Variants in TUBGCP3 observed in about 807,000 individuals in gnomAD.
The protein encoded by TUBGCP3 is gamma-tubulin complex component 3.
TUBGCP3 carries 50 observed loss-of-function variants against 123.1 expected under a neutral mutation model. The ratio of observed to expected loss-of-function variants is 0.41; its 90% CI spans 0.32 to 0.51. The LOEUF (loss-of-function observed/expected upper bound fraction) is 0.51. Among genes scored for constraint, TUBGCP3 ranks in the 20% least tolerant of loss-of-function variants. The pLI is 0.36. For synonymous variants in TUBGCP3, 405 were observed against 413.9 expected, an observed-to-expected ratio of 0.98 and a Z score of 0.26; for missense variants, 882 against 1,127.0, an observed-to-expected ratio of 0.78 and a Z score of 3.11.
intron 16 of TUBGCP3, among the ~76,000 whole-genome samples, chr13:112,518,504 G>T (rs1876347760): frequency 6.6e-6 from 1 of 152,202 alleles, no homozygotes; most frequent in Admixed American, 6.5e-5. Context: ...TTCCTGGTCA[G>T]CCTTTTATAA....
intron 11 of TUBGCP3, among the ~76,000 whole-genome samples, chr13:112,537,484 G>A (rs1878159359): frequency 6.6e-6 from 1 of 152,038 alleles, no homozygotes; most frequent in Non-Finnish European, 1.5e-5. Flanking sequence ...TTGCATTCTT[G>A]GGATTAATTC....
chr13:112,502,542 C>CT (rs10710530), intron 19 of TUBGCP3, among the ~76,000 whole-genome samples: 16,169 of 114,318 alleles, frequency 0.14, 1,399 homozygotes, highest in African/African-American at 0.22. Flanking sequence ...TACATTTCTT[C>CT]TTTTTTTTTT....
intron 9 of TUBGCP3, 79 bp from the exon 10 acceptor site, chr13:112,547,831 A>G: frequency 7.4e-7 from 1 of 1,344,144 alleles, no homozygotes; most frequent in Non-Finnish European, 9.7e-7. Context: ...TCAAGTGAAC[A>G]TAAGAAAATG....
chr13:112,485,884 G>C lies in TUBGCP3; in HGVS notation c.*109C>G. 1 of 908,038 alleles carries C rather than the reference G, an allele frequency of 1.1e-6. No homozygotes were observed. The allele number at this position is 908,038 out of a possible 1,614,324, so 56.2% of individuals were successfully genotyped here. ...GCTGAAACATGGCGCACTCGTGGGC[G>C]GAAGGGCAGGACACCTGCAGCATGC... On this transcript the variant is annotated 3_prime_UTR_variant, in exon 22 of 22. Transcript: ENST00000261965.
chr13:112,533,043 G>T (rs1174720748), intron 11 of TUBGCP3, among the ~76,000 whole-genome samples: 1 of 152,218 alleles, frequency 6.6e-6, no homozygotes, highest in Non-Finnish European at 1.5e-5. Flanking sequence ...GCTGGGCAGA[G>T]AGGCAGTGCA....
intron 17 of TUBGCP3, among the ~76,000 whole-genome samples, chr13:112,505,080 T>C (rs1881201740): frequency 6.6e-6 from 1 of 152,190 alleles, no homozygotes; most frequent in Non-Finnish European, 1.5e-5. Flanking sequence ...CTGCTGTGCA[T>C]GAAACATTTA....
chr13:112,569,809 G>A (rs558155201), intron 1 of TUBGCP3, among the ~76,000 whole-genome samples: 30 of 152,182 alleles, frequency 2.0e-4, no homozygotes, highest in Admixed American at 1.3e-3. Flanking sequence ...AAACAAGGCA[G>A]AAAGGAATCA....
At chr13:112,486,266 G>T in intron 21 of TUBGCP3, 115 bp from the exon 22 acceptor site, 1 of 1,313,628 alleles carries the variant, frequency 7.6e-7, no homozygotes, top group Non-Finnish European at 1.0e-6. Context: ...AGATCAACAG[G>T]CCCTTAGTAA....
At chr13:112,491,155 T>C (rs1444979777) in intron 20 of TUBGCP3, among the ~76,000 whole-genome samples, 1 of 152,222 alleles carries the variant, frequency 6.6e-6, no homozygotes. Flanking sequence ...TGATTTTCGC[T>C]CTCATCTTTA....
chr13:112,509,674 CAT>C (rs1881539360), intron 17 of TUBGCP3, among the ~76,000 whole-genome samples: 1 of 152,200 alleles, frequency 6.6e-6, no homozygotes, highest in Non-Finnish European at 1.5e-5. Flanking sequence ...CAGTGAGAGA[CAT>C]ATGGTTGCTG....
In TUBGCP3 at chr13:112,519,875, A is replaced by G. The variant is rs762275203; in HGVS notation, c.1881+11T>C. 11 of 1,611,108 alleles carry G rather than the reference A, an allele frequency of 6.8e-6. No homozygotes were observed. In the East Asian group the frequency reaches 2.0e-4, roughly 29 times the overall value. ...CCGGGGCGGCGTTCCCAACACGCAG[A>G]GCCGCAGTACCTCCAGCAGCCGCAC... On this transcript the variant is annotated intron_variant, in intron 15 of 21. Coordinates refer to ENST00000261965, the MANE Select transcript of TUBGCP3 (RefSeq NM_006322.6). This position sits in a 1 kb window ranked among gnomAD's most constrained non-coding sequence, Gnocchi z 6.2.
At position 112,519,828 on chromosome 13, in the gene TUBGCP3, C is replaced by T. The variant is rs1278143619; in HGVS notation, c.1881+58G>A. On this transcript the variant is annotated intron_variant, in intron 15 of 21. Coordinates refer to ENST00000261965, the MANE Select transcript of TUBGCP3 (RefSeq NM_006322.6). This position sits in a 1 kb window ranked among gnomAD's most constrained non-coding sequence, Gnocchi z 6.2. The stretch of plus-strand genomic sequence containing the variant: ...CATGGAAAACACTCGCTAGAACACC[C>T]CGGCCCAGTGGGTCCTCGGTGCCGG... The T allele has an allele frequency of 6.3e-7, 1 of 1,582,822 alleles. No individual in the cohort carries two copies.
At chr13:112,556,017 A>G (rs1352511071) in intron 6 of TUBGCP3, 35 bp downstream of exon 6, 4 of 1,575,542 alleles carry the variant, frequency 2.5e-6, no homozygotes, top group Admixed American at 1.7e-5. Context: ...CCAAGTGTTC[A>G]CAGAAAAGCT....
chr13:112,501,080 A>G (rs771691636), intron 19 of TUBGCP3, among the ~76,000 whole-genome samples: 7 of 152,226 alleles, frequency 4.6e-5, no homozygotes, highest in Non-Finnish European at 8.8e-5. Flanking sequence ...CATGGCAACA[A>G]AAACAATGTG....
At position 112,519,974 on chromosome 13, in the gene TUBGCP3, G is replaced by C; in HGVS notation, c.1793C>G (p.Thr598Ser). The C allele has an allele frequency of 6.2e-7, 1 of 1,614,004 alleles. No homozygotes were observed. The highest frequency in any genetic ancestry group is 8.5e-7 in the Non-Finnish European group (1 of 1,179,882). Reference sequence around the variant, plus strand: ...TCTGACAGCGGTTTCTAGAATTCCAGTCAAGTTATGCTGATACAAAGTCGT... The same window carrying C: ...TCTGACAGCGGTTTCTAGAATTCCACTCAAGTTATGCTGATACAAAGTCGT... ...PATTLYQHNL[T>S]GILETAVRAT... is the part of the protein sequence containing the mutation. Residue 598 changes from threonine to serine, a missense_variant, in exon 15 of 22, where the codon ACT (threonine) becomes AGT (serine). Coordinates refer to ENST00000261965, the MANE Select transcript of TUBGCP3 (RefSeq NM_006322.6). The surrounding 1 kb of genome is among the most constrained non-coding windows in gnomAD (Gnocchi z 6.2).
chr13:112,580,693 C>T (rs1329103498), intron 1 of TUBGCP3, among the ~76,000 whole-genome samples: 1 of 152,120 alleles, frequency 6.6e-6, no homozygotes, highest in Admixed American at 6.5e-5. Flanking sequence ...TCAGACTTCT[C>T]ATCAATAATG....
chr13:112,540,575 G>T (rs9604349), intron 11 of TUBGCP3, among the ~76,000 whole-genome samples: 8 of 110,530 alleles, frequency 7.2e-5, no homozygotes, highest in East Asian at 4.8e-4. Context: ...CTGGGAATGA[G>T]GACGTCAATG....
chr13:112,520,128 A>C, intron 14 of TUBGCP3, 107 bp from the exon 15 acceptor site: 1 of 1,092,854 alleles, frequency 9.2e-7, no homozygotes, highest in Non-Finnish European at 1.3e-6. Context: ...AAAAACTCAA[A>C]AGACAAATGG....
chr13:112,504,478 T>A lies in TUBGCP3; in HGVS notation c.2175+148A>T, dbSNP rs1410655504. On this transcript the variant is annotated intron_variant, in intron 18 of 21. Coordinates refer to ENST00000261965, the MANE Select transcript of TUBGCP3 (RefSeq NM_006322.6). Reference sequence around the variant, plus strand: ...ACTCCAGCCTAGGCGACAGCAAGACTCCATCTCAAAAAAAAAAAAAAAGAA... The same window carrying A: ...ACTCCAGCCTAGGCGACAGCAAGACACCATCTCAAAAAAAAAAAAAAAGAA... 2.9e-5 allele frequency: 14 copies of A among 479,782 alleles called. No homozygotes were observed. In the African/African-American group the frequency reaches 4.1e-4, roughly 14 times the overall value. 29.7% of individuals were successfully genotyped at this position (479,782 alleles called of 1,614,324 possible).
Sources: gnomAD v4.1 joint callset for allele counts (sites outside exome capture counted in the v4.1 genomes callset) on GRCh38, gnomAD v4.1.1 for gene constraint, Gnocchi (gnomAD v3.1) non-coding constraint, MANE v1.5 for transcripts, NCBI Gene and HGNC (gene_info 2026-07-23, HGNC 2026-07-21) for gene names.